MBD2: variants seen among roughly 807,000 people sequenced by gnomAD.
MBD2 encodes the protein methyl-CpG-binding domain protein 2.
A neutral mutation model predicts 39.3 loss-of-function variants in MBD2; 9 were observed. The observed-to-expected ratio is 0.23, with a 90% CI of 0.14 to 0.40. MBD2 has a LOEUF of 0.40. Among genes scored for constraint, MBD2 ranks in the 10% least tolerant of loss-of-function variants. MBD2 has a pLI of 1.00. For synonymous variants in MBD2, 233 were observed against 211.1 expected (o/e 1.10, Z -0.90); for missense variants, 458 against 532.6 (o/e 0.86, Z 1.38).
rs973449850 is a variant in MBD2, at chr18:54,154,487, A to G, written c.*837T>C. 6.6e-6 allele frequency: 1 copy of G among 152,216 alleles called. No individual in the cohort carries two copies. Among genetic ancestry groups the G allele is most frequent in the Non-Finnish European group, 1.5e-5 (1 of 68,036 alleles). 9.4% of individuals were successfully genotyped at this position (152,216 alleles called of 1,614,324 possible). Reference sequence around the variant, plus strand: ...AGTGCCAAACATTCTTTAAAAAACAATAAACATGGACGCCTTCTAGTAACA... The same window carrying G: ...AGTGCCAAACATTCTTTAAAAAACAGTAAACATGGACGCCTTCTAGTAACA... On this transcript the variant is annotated 3_prime_UTR_variant, in exon 7 of 7. Transcript: ENST00000256429.
Position 54,224,006 on chromosome 18 carries a change from C to T in MBD2, c.542+12G>A. ...TGACCCCGCCACCCCCTCCCCGCCC[C>T]CAGGGAGGTACCTGAAGTAGTAGAC... On this transcript the variant is annotated intron_variant, in intron 1 of 6. Coordinates refer to ENST00000256429, the MANE Select transcript of MBD2 (RefSeq NM_003927.5). 2 of 1,597,996 alleles carry T rather than the reference C, an allele frequency of 1.3e-6. No homozygotes were observed. Among genetic ancestry groups the T allele is most frequent in the South Asian group, 2.2e-5 (2 of 90,060 alleles).
intron 1 of MBD2, among the ~76,000 whole-genome samples, chr18:54,207,273 A>G (rs1189735792): frequency 1.3e-5 from 2 of 152,214 alleles, no homozygotes; most frequent in Non-Finnish European, 2.9e-5. Context: ...AAGGAGGAGC[A>G]CAGCAACATC....
intron 2 of MBD2, among the ~76,000 whole-genome samples, chr18:54,200,308 CATTAA>C (rs1391860827): frequency 6.6e-6 from 1 of 152,166 alleles, no homozygotes; most frequent in Non-Finnish European, 1.5e-5. Flanking sequence ...TCATATGTCA[CATTAA>C]ATTAATGTTA....
intron 1 of MBD2, among the ~76,000 whole-genome samples, chr18:54,213,183 T>C (rs980020749): frequency 2.0e-5 from 3 of 152,006 alleles, no homozygotes; most frequent in African/African-American, 7.3e-5. Context: ...CCCTAAGCCC[T>C]AGCCCTGGCC....
intron 1 of MBD2, among the ~76,000 whole-genome samples, chr18:54,216,276 T>C (rs1392933736): frequency 2.0e-5 from 3 of 152,220 alleles, no homozygotes; most frequent in Non-Finnish European, 4.4e-5. Flanking sequence ...AGCTATTCAA[T>C]ATTTGTATAC....
Position 54,168,572 on chromosome 18 carries a change from C to CATATATATATATATATATATATATATAT in MBD2, c.841-2407_841-2406insATATATATATATATATATATATATATAT, listed in dbSNP as rs56174434. On this transcript the variant is annotated intron_variant, in intron 3 of 6. Coordinates refer to ENST00000256429, the MANE Select transcript of MBD2 (RefSeq NM_003927.5). Reference sequence around the variant, plus strand: ...TTGTTATGCCATGAAAATGGAGATACATATATATATATATATATATATATA... The same window carrying CATATATATATATATATATATATATATAT: ...TTGTTATGCCATGAAAATGGAGATACATATATATATATATATATATATATATATATATATATATATATATATATATATA... Among the ~76,000 whole-genome samples the CATATATATATATATATATATATATATAT allele has an allele frequency of 1.1e-3, 128 of 114,828 alleles. 4 individuals carry two copies. The highest frequency in any genetic ancestry group is 2.8e-3 in the African/African-American group (75 of 26,406). 75.3% of individuals were successfully genotyped at this position (114,828 alleles called of 152,430 possible).
chr18:54,194,654 G>A (rs1424575161), intron 2 of MBD2, among the ~76,000 whole-genome samples: 4 of 151,896 alleles, frequency 2.6e-5, no homozygotes, highest in East Asian at 3.8e-4. Flanking sequence ...ACAAGGTATA[G>A]CATCAATTCT....
At chr18:54,170,715 G>A (rs1009306824) in intron 3 of MBD2, among the ~76,000 whole-genome samples, 1 of 152,154 alleles carries the variant, frequency 6.6e-6, no homozygotes, top group Non-Finnish European at 1.5e-5. Context: ...GGTGTTTGGT[G>A]GAAAACATGC....
rs1477913004 is a variant in MBD2, at chr18:54,224,501, G to C, written c.59C>G (p.Ala20Gly). 17 of 1,231,898 alleles carry C rather than the reference G, an allele frequency of 1.4e-5. No individual in the cohort carries two copies. Among genetic ancestry groups the C allele is most frequent in the Non-Finnish European group, 1.6e-5 (16 of 988,736 alleles). 76.3% of individuals were successfully genotyped at this position (1,231,898 alleles called of 1,614,324 possible). ...GCCGCCAGCGCCGCTGCCGCCCGCC[G>C]CACTCTCCCCCTCCTCCTGCTCCGG... ...CCPEQEEGES[A>G]AGGSGAGGDS... is the part of the protein sequence containing the mutation. The change falls in exon 1 of 7, where the codon GCG becomes GGG. Residue 20 changes from alanine (A) to glycine (G), a missense_variant. By Grantham distance (60) the Ala-to-Gly change is moderately conservative. This residue lies in a region of MBD2 where 269 missense variants were observed against 236.0 expected (regional missense o/e 1.14). Coordinates refer to ENST00000256429, the MANE Select transcript of MBD2 (RefSeq NM_003927.5).
intron 2 of MBD2, among the ~76,000 whole-genome samples, chr18:54,195,933 G>A (rs1399998582): frequency 2.0e-5 from 3 of 152,096 alleles, no homozygotes; most frequent in Admixed American, 1.3e-4. Flanking sequence ...TCAAATCAAG[G>A]CTATTCTCAA....
At chr18:54,180,781 TAAAA>T (rs1156928496) in intron 3 of MBD2, among the ~76,000 whole-genome samples, 1 of 151,238 alleles carries the variant, frequency 6.6e-6, no homozygotes. Flanking sequence ...CTTAGAGAAA[TAAAA>T]AAAGTTCACA....
chr18:54,152,163 C>A lies in MBD2; in HGVS notation c.*3161G>T, dbSNP rs2086025898. The A allele has an allele frequency of 6.6e-6, 1 of 152,180 alleles. No individual in the cohort carries two copies. The highest frequency in any genetic ancestry group is 2.4e-5 in the African/African-American group (1 of 41,424). 9.4% of individuals were successfully genotyped at this position (152,180 alleles called of 1,614,324 possible). On this transcript the variant is annotated 3_prime_UTR_variant, in exon 7 of 7. Coordinates refer to ENST00000256429, the MANE Select transcript of MBD2 (RefSeq NM_003927.5). ...AGGGAAGGCGGGAAAGAACATCTGC[C>A]TGAAGAAATCAGGGACAGCTTCACA...
In MBD2 at chr18:54,205,640, C is replaced by T. The variant is rs902374386; in HGVS notation, c.543-483G>A. On this transcript the variant is annotated intron_variant, in intron 1 of 6. Transcript: ENST00000256429. Reference sequence around the variant, plus strand: ...TAAAGTTTTACAGGGAACTCCGTAACTTCCCTGTAAGAAAAAATCAAGTGT... The same window carrying T: ...TAAAGTTTTACAGGGAACTCCGTAATTTCCCTGTAAGAAAAAATCAAGTGT... Among the ~76,000 whole-genome samples, 5 of 147,922 alleles carry T rather than the reference C, an allele frequency of 3.4e-5. No individual in the cohort carries two copies. In the South Asian group the frequency reaches 1.1e-3, roughly 32 times the overall value.
At chr18:54,172,719 G>A (rs981805618) in intron 3 of MBD2, among the ~76,000 whole-genome samples, 2 of 152,110 alleles carry the variant, frequency 1.3e-5, no homozygotes, top group East Asian at 1.9e-4. Context: ...CCCTGAGGAC[G>A]GGAATATCTA....
chr18:54,212,615 T>C (rs2086517579), intron 1 of MBD2, among the ~76,000 whole-genome samples: 1 of 152,126 alleles, frequency 6.6e-6, no homozygotes, highest in Non-Finnish European at 1.5e-5. Context: ...CTTTTGTATG[T>C]ATGAATGAAA....
chr18:54,224,292 G>A lies in MBD2; in HGVS notation c.268C>T (p.Arg90Trp), dbSNP rs1298613797. 5 of 947,404 alleles carry A rather than the reference G, an allele frequency of 5.3e-6. No individual in the cohort carries two copies. The highest frequency in any genetic ancestry group is 6.3e-6 in the Non-Finnish European group (5 of 798,776). 58.7% of individuals were successfully genotyped at this position (947,404 alleles called of 1,614,324 possible). A position where few individuals can be genotyped will look rare whatever the true frequency, so the allele number is the denominator to read the frequency against. The stretch of plus-strand genomic sequence containing the variant: ...GGGGGACGGCCGCGGCCCCGGCCCC[G>A]GCCCCGTCCCCGTCCCCGGCCACGG... The part of the protein sequence containing the change: ...RGRGRGRGRG[R>W]GRGRGRPPSG... The change falls in exon 1 of 7, where the codon CGG (arginine) becomes TGG (tryptophan). Residue 90 changes from arginine (R) to tryptophan (W), a missense_variant. Coordinates refer to ENST00000256429, the MANE Select transcript of MBD2 (RefSeq NM_003927.5).
intron 3 of MBD2, among the ~76,000 whole-genome samples, chr18:54,181,104 A>G (rs1158940032): frequency 6.6e-6 from 1 of 152,084 alleles, no homozygotes; most frequent in Non-Finnish European, 1.5e-5. Context: ...CATGTTGGCC[A>G]GGTTGGTTTT....
intron 3 of MBD2, among the ~76,000 whole-genome samples, chr18:54,182,019 A>C (rs189575551): frequency 6.6e-6 from 1 of 152,100 alleles, no homozygotes; most frequent in Non-Finnish European, 1.5e-5. Context: ...AACATGATAC[A>C]TTATCTATAC....
intron 6 of MBD2, among the ~76,000 whole-genome samples, chr18:54,158,731 C>T (rs2086072331): frequency 6.6e-6 from 1 of 152,160 alleles, no homozygotes; most frequent in South Asian, 2.1e-4. Flanking sequence ...AAGCAATTCT[C>T]ATGTCTCAGC....
Sources: gnomAD v4.1 joint callset for allele counts (sites outside exome capture counted in the v4.1 genomes callset) on GRCh38, gnomAD v4.1.1 for gene constraint, gnomAD v4.1.1 regional missense constraint, MANE v1.5 for transcripts, NCBI Gene and HGNC (gene_info 2026-07-23, HGNC 2026-07-21) for gene names.